ZNF407: variants seen among roughly 807,000 people sequenced by gnomAD.
The protein encoded by ZNF407 is zinc finger protein 407.
ZNF407 carries 17 observed loss-of-function variants against 131.2 expected under a neutral mutation model. The ratio of observed to expected loss-of-function variants is 0.13; its 90% CI spans 0.09 to 0.19. The LOEUF (loss-of-function observed/expected upper bound fraction) is 0.19. Ranked by LOEUF, ZNF407 falls within the 10% of genes least tolerant of loss-of-function variation. The probability of loss-of-function intolerance (pLI) is 1.00; values close to 1 mark genes in which losing one functional copy is unlikely to be tolerated. For missense variants in ZNF407, 2,681 were observed against 2,830.6 expected (o/e 0.95, Z 1.20); for synonymous variants, 1,156 against 1,062.0 (o/e 1.09, Z -1.72).
At chr18:74,781,848 T>A (rs1156698170) in intron 4 of ZNF407, among the ~76,000 whole-genome samples, 2 of 152,326 alleles carry the variant, frequency 1.3e-5, no homozygotes, top group Non-Finnish European at 2.9e-5. Flanking sequence ...TATTATATAT[T>A]CTTATTTTGA....
Position 74,736,595 on chromosome 18 carries a change from T to G in ZNF407, c.4803-44833T>G, listed in dbSNP as rs547144042. Among the ~76,000 whole-genome samples, 5 of 152,270 alleles carry G rather than the reference T, an allele frequency of 3.3e-5. No homozygotes were observed. The South Asian group carries it at 8.3e-4, about 25-fold the overall frequency. ...AATTAGTACTATTTCTGTACTGAGA[T>G]TTTTTTAACATATAAAATGTAGATA... On this transcript the variant is annotated intron_variant, in intron 3 of 8. Coordinates refer to ENST00000299687, the MANE Select transcript of ZNF407 (RefSeq NM_017757.3).
intron 3 of ZNF407, among the ~76,000 whole-genome samples, chr18:74,778,128 C>G (rs1035993661): frequency 2.6e-5 from 4 of 152,188 alleles, no homozygotes; most frequent in Non-Finnish European, 4.4e-5. Context: ...AGAATAAAAG[C>G]TGAGGCTGTC....
intron 1 of ZNF407, among the ~76,000 whole-genome samples, chr18:74,605,571 A>G (rs1041525792): frequency 1.3e-5 from 2 of 152,216 alleles, no homozygotes; most frequent in Admixed American, 6.5e-5. Context: ...TCAAAAAATC[A>G]TAGGAAGTTT....
chr18:75,010,569 CG>C (rs1300063904), intron 8 of ZNF407, among the ~76,000 whole-genome samples: 2 of 152,106 alleles, frequency 1.3e-5, no homozygotes, highest in Non-Finnish European at 2.9e-5. Flanking sequence ...TATGGTAAAT[CG>C]GGCATGCTGA....
chr18:74,664,773 C>T lies in ZNF407; in HGVS notation c.4802+23651C>T, dbSNP rs1471636329. Among the ~76,000 whole-genome samples the T allele has an allele frequency of 2.0e-5, 3 of 151,806 alleles. No individual in the cohort carries two copies. In the South Asian group the frequency reaches 6.2e-4, roughly 32 times the overall value. On this transcript the variant is annotated intron_variant, in intron 3 of 8. Transcript: ENST00000299687. ...TTACCCTCTCTTATAGCATAGAATC[C>T]CAGTGCATCTGTTTTTGGCGCTGCG...
chr18:74,688,079 T>C (rs978634314), intron 3 of ZNF407, among the ~76,000 whole-genome samples: 2 of 152,230 alleles, frequency 1.3e-5, no homozygotes, highest in African/African-American at 4.8e-5. Flanking sequence ...TAGTTTTCTT[T>C]AGAACACTTT....
intron 3 of ZNF407, among the ~76,000 whole-genome samples, chr18:74,755,768 T>TCTTTCTTTCTTTCTTTCTTTCTTC (rs1165257687): frequency 1.5e-5 from 2 of 129,048 alleles, no homozygotes; most frequent in Non-Finnish European, 3.1e-5. Context: ...TTTCTTTCTT[T>TCTTTCTTTCTTTCTTTCTTTCTTC]CTTTCTCTCT....
At chr18:74,975,262 G>T (rs1269205667) in intron 8 of ZNF407, among the ~76,000 whole-genome samples, 2 of 152,200 alleles carry the variant, frequency 1.3e-5, no homozygotes, top group Non-Finnish European at 2.9e-5. Flanking sequence ...TTGTACAGTA[G>T]CTCCTTGCTC....
chr18:74,897,844 C>T (rs1971473592), intron 7 of ZNF407, among the ~76,000 whole-genome samples: 1 of 152,136 alleles, frequency 6.6e-6, no homozygotes, highest in South Asian at 2.1e-4. Flanking sequence ...TGGATGTAGA[C>T]TCAGCTGTGG....
chr18:74,747,949 T>C (rs539477040), intron 3 of ZNF407, among the ~76,000 whole-genome samples: 59 of 152,244 alleles, frequency 3.9e-4, no homozygotes, highest in Admixed American at 1.0e-3. Flanking sequence ...GTTTGTAACA[T>C]TGAAGAATTT....
intron 4 of ZNF407, among the ~76,000 whole-genome samples, chr18:74,837,377 A>C (rs1970572745): frequency 6.6e-6 from 1 of 152,044 alleles, no homozygotes; most frequent in Non-Finnish European, 1.5e-5. Flanking sequence ...AATTACTTGG[A>C]GAAAGATCAT....
At chr18:74,620,844 C>T (rs943729900) in intron 1 of ZNF407, among the ~76,000 whole-genome samples, 9 of 152,212 alleles carry the variant, frequency 5.9e-5, no homozygotes, top group African/African-American at 2.2e-4. Flanking sequence ...CATTCGGCTC[C>T]GATGACCTGT....
At chr18:74,874,194 A>G (rs1311724654) in intron 4 of ZNF407, among the ~76,000 whole-genome samples, 1 of 152,142 alleles carries the variant, frequency 6.6e-6, no homozygotes, top group Non-Finnish European at 1.5e-5. Context: ...CCGTAAGAAC[A>G]TGGGTGAACC....
At chr18:75,040,596 G>A (rs1368893254) in intron 8 of ZNF407, among the ~76,000 whole-genome samples, 7 of 152,110 alleles carry the variant, frequency 4.6e-5, no homozygotes, top group African/African-American at 1.7e-4. Context: ...AAACCATTAG[G>A]CATTCTGAGC....
intron 1 of ZNF407, among the ~76,000 whole-genome samples, chr18:74,610,455 T>C (rs1036121163): frequency 2.0e-4 from 31 of 152,166 alleles, no homozygotes; most frequent in African/African-American, 6.0e-4. Context: ...TAATTACCCA[T>C]TTAGGTAATT....
intron 3 of ZNF407, among the ~76,000 whole-genome samples, chr18:74,714,570 C>CT (rs1211227430): frequency 6.6e-6 from 1 of 152,072 alleles, no homozygotes; most frequent in Non-Finnish European, 1.5e-5. Flanking sequence ...CCTTGTTTGT[C>CT]AGTTTTGAAG....
At chr18:74,836,002 C>A (rs1970554250) in intron 4 of ZNF407, among the ~76,000 whole-genome samples, 2 of 142,232 alleles carry the variant, frequency 1.4e-5, no homozygotes, top group African/African-American at 5.4e-5. Flanking sequence ...ATAAGGGACC[C>A]TTATGGAAAA....
intron 8 of ZNF407, among the ~76,000 whole-genome samples, chr18:75,032,420 T>C (rs528387399): frequency 2.0e-5 from 3 of 152,342 alleles, no homozygotes; most frequent in African/African-American, 7.2e-5. Flanking sequence ...ACTTTGACTC[T>C]CCACAGACCA....
At chr18:74,993,074 A>G (rs1284095762) in intron 8 of ZNF407, among the ~76,000 whole-genome samples, 1 of 152,198 alleles carries the variant, frequency 6.6e-6, no homozygotes, top group Non-Finnish European at 1.5e-5. Flanking sequence ...CAGTTTAGCC[A>G]TTTCCTGTAA....
Sources: gnomAD v4.1 joint callset for allele counts (sites outside exome capture counted in the v4.1 genomes callset) on GRCh38, gnomAD v4.1.1 for gene constraint, MANE v1.5 for transcripts, NCBI Gene and HGNC (gene_info 2026-07-23, HGNC 2026-07-21) for gene names.